KIF17: variants seen among roughly 807,000 people sequenced by gnomAD.
The protein encoded by KIF17 is kinesin family member 17.
KIF17 carries 80 observed loss-of-function variants against 96.8 expected under a neutral mutation model. The observed-to-expected ratio is 0.83, with a 90% confidence interval of 0.69 to 1.00. KIF17 has a LOEUF of 1.00. Among genes scored for constraint, KIF17 ranks in the 50% least tolerant of loss-of-function variants. The probability of loss-of-function intolerance (pLI) is 0.00; values close to 1 mark genes in which losing one functional copy is unlikely to be tolerated. For synonymous variants in KIF17, 567 were observed against 587.5 expected, an observed-to-expected ratio of 0.97 and a Z score of 0.51; for missense variants, 1,280 against 1,372.9, an observed-to-expected ratio of 0.93 and a Z score of 1.07.
At chr1:20,688,855 C>A (rs2053986666) in intron 7 of KIF17, among the ~76,000 whole-genome samples, 1 of 152,252 alleles carries the variant, frequency 6.6e-6, no homozygotes, top group Admixed American at 6.5e-5. Flanking sequence ...GCTCCCTCCC[C>A]TTCCCCTGGG....
At chr1:20,661,874 G>A (rs1033906083), downstream of KIF17, among the ~76,000 whole-genome samples, 34 of 152,356 alleles carry the variant, frequency 2.2e-4, no homozygotes, top group South Asian at 8.3e-4. Context: ...ATAAGATCAG[G>A]GTCAGGGCAC....
At chr1:20,695,179 CTTT>C in intron 6 of KIF17, among the ~76,000 whole-genome samples, 1 of 152,148 alleles carries the variant, frequency 6.6e-6, no homozygotes. Context: ...AATCTCCATT[CTTT>C]TTTTAATTTT....
chr1:20,695,977 C>A (rs2054131602), intron 6 of KIF17, among the ~76,000 whole-genome samples: 2 of 137,002 alleles, frequency 1.5e-5, no homozygotes, highest in South Asian at 4.5e-4. Flanking sequence ...CACAGCCCGC[C>A]AAGGAGATGA....
Position 20,671,958 on chromosome 1 carries a change from G to A in KIF17, c.2702C>T (p.Thr901Ile). 1.9e-6 allele frequency: 3 copies of A among 1,613,846 alleles called. No homozygotes were observed. Among genetic ancestry groups the A allele is most frequent in the Non-Finnish European group, 2.5e-6 (3 of 1,180,026 alleles). The change falls in exon 12 of 15, where the codon ACA (threonine) becomes ATA (isoleucine). Residue 901 changes from threonine to isoleucine, a missense_variant. Thr to Ile is a moderately conservative substitution (Grantham distance 89). Transcript: ENST00000400463. ...CTGACCTACTGGGAGGCTGGTTTTT[G>A]TGATGACGGGATGTGGGATCTTCCA... ...GFWKIPHPVI[T>I]KTSLPVVSTG...
At chr1:20,664,966 A>G (rs919125741) in intron 14 of KIF17, among the ~76,000 whole-genome samples, 2 of 152,002 alleles carry the variant, frequency 1.3e-5, no homozygotes, top group Admixed American at 6.6e-5. Context: ...GTCTGCATCC[A>G]AAGAGGCTGG....
intron 10 of KIF17, among the ~76,000 whole-genome samples, chr1:20,684,437 C>A (rs1161533556): frequency 1.3e-5 from 2 of 152,230 alleles, no homozygotes; most frequent in Non-Finnish European, 2.9e-5. Context: ...AAGCCCAGCT[C>A]CCCCGGCGGT....
chr1:20,713,682 G>A (rs950098025), intron 2 of KIF17, 127 bp from the exon 3 acceptor site: 5 of 748,418 alleles, frequency 6.7e-6, no homozygotes, highest in Admixed American at 6.0e-5. Context: ...ATCGGGGCAA[G>A]AGGAGTCTCC....
At chr1:20,690,374 T>C in intron 6 of KIF17, 39 bp from the exon 7 acceptor site, 2 of 1,579,374 alleles carry the variant, frequency 1.3e-6, no homozygotes, top group Non-Finnish European at 1.7e-6. Context: ...GGCAGCATTT[T>C]ATCATCATTT....
At position 20,666,196 on chromosome 1, in the gene KIF17, CAG is replaced by C. The variant is rs759817851; in HGVS notation, c.2908+16_2908+17del. On this transcript the variant is annotated intron_variant, in intron 14 of 14. Coordinates refer to ENST00000400463, the MANE Select transcript of KIF17 (RefSeq NM_001122819.3). ...CCCAGTTGTGTGGAGAGGGTGGGGA[CAG>C]GGGAGGGACACTCACTGAGGCTCTT... 7.7e-6 allele frequency: 12 copies of C among 1,565,546 alleles called. No homozygotes were observed. The African/African-American group carries it at 1.6e-4, about 21-fold the overall frequency.
intron 11 of KIF17, among the ~76,000 whole-genome samples, chr1:20,681,640 T>G (rs182027300): frequency 6.6e-6 from 1 of 152,238 alleles, no homozygotes. Flanking sequence ...CCAAAGGCAG[T>G]GCACATGACC....
rs1557606965 is a variant in KIF17 at position 20,712,836 on chromosome 1, T to TTAGA, written c.480+617_480+618insTCTA. ...ATATATAATATAGATATTATCTATA[T>TTAGA]TATAGATATAGATAATATTATCTAT... On this transcript the variant is annotated intron_variant, in intron 3 of 14. Transcript: ENST00000400463. Among the ~76,000 whole-genome samples, 28 of 17,106 alleles carry TTAGA rather than the reference T, an allele frequency of 1.6e-3. 3 individuals are homozygous for TTAGA. The highest frequency in any genetic ancestry group is 3.9e-3 in the African/African-American group (28 of 7,266). 11.2% of individuals were successfully genotyped at this position (17,106 alleles called of 152,430 possible).
In KIF17 at chr1:20,687,432, T is replaced by C. The variant is rs370703332; in HGVS notation, c.1894A>G (p.Arg632Gly). 1.6e-4 allele frequency: 260 copies of C among 1,613,766 alleles called. No homozygotes were observed. Among genetic ancestry groups the C allele is most frequent in the Non-Finnish European group, 2.2e-4 (255 of 1,180,036 alleles). Residue 632 changes from arginine to glycine, a missense_variant, in exon 8 of 15, where the codon AGG becomes GGG. Transcript: ENST00000400463. The surrounding 1 kb of genome is among the most constrained non-coding windows in gnomAD (Gnocchi z 4.4). ...KLARLSSTVARTDAPQADVPK... is the reference protein window; with the variant it reads ...KLARLSSTVAGTDAPQADVPK... ...ACGTCTGCCTGGGGTGCATCTGTCC[T>C]GGCCACGGTGGAGGAGAGTCTGGCC...
At chr1:20,702,898 C>A (rs2054262425) in intron 5 of KIF17, among the ~76,000 whole-genome samples, 1 of 152,210 alleles carries the variant, frequency 6.6e-6, no homozygotes, top group African/African-American at 2.4e-5. Flanking sequence ...ATTAGGTACC[C>A]CACGAGGCAC....
chr1:20,693,989 C>T (rs1401086550), intron 6 of KIF17: 2 of 152,168 alleles, frequency 1.3e-5, no homozygotes, highest in Non-Finnish European at 2.9e-5. Flanking sequence ...CTTTTTCTTT[C>T]TGAACCATTG....
intron 11 of KIF17, among the ~76,000 whole-genome samples, 166 bp downstream of exon 11, chr1:20,682,487 G>A (rs867399365): frequency 6.6e-6 from 1 of 152,188 alleles, no homozygotes; most frequent in Non-Finnish European, 1.5e-5. Context: ...TGCAGCCTGG[G>A]CGACAGAGAG....
At chr1:20,695,706 C>T (rs678237) in intron 6 of KIF17, among the ~76,000 whole-genome samples, 4,461 of 152,224 alleles carry the variant, frequency 0.029, 232 homozygotes, top group African/African-American at 0.1. Context: ...TCCTCTGAAC[C>T]CACGCCACCC....
rs1294587590 is a variant in KIF17, at chr1:20,704,231, G to C, written c.1123+216C>G. ...GTGGGCAACAGCCTGCGTCAGATGG[G>C]ACAGGCCAGACGGACTGCCCTCCTC... On this transcript the variant is annotated intron_variant, in intron 5 of 14. Coordinates refer to ENST00000400463, the MANE Select transcript of KIF17 (RefSeq NM_001122819.3). The surrounding 1 kb of genome is among the most constrained non-coding windows in gnomAD (Gnocchi z 6.8). Among the ~76,000 whole-genome samples the C allele has an allele frequency of 6.6e-6, 1 of 152,100 alleles. No individual in the cohort carries two copies. The highest frequency in any genetic ancestry group is 1.5e-5 in the Non-Finnish European group (1 of 67,996).
chr1:20,685,907 G>GC lies in KIF17; in HGVS notation c.2019+138dup, dbSNP rs2053929017. The GC allele has an allele frequency of 1.3e-6, 1 of 752,874 alleles. No homozygotes were observed. Among genetic ancestry groups the GC allele is most frequent in the Non-Finnish European group, 2.3e-6 (1 of 433,912 alleles). 46.6% of individuals were successfully genotyped at this position (752,874 alleles called of 1,614,324 possible). A position where few individuals can be genotyped will look rare whatever the true frequency, so the allele number is the denominator to read the frequency against. On this transcript the variant is annotated intron_variant, in intron 9 of 14. Coordinates refer to ENST00000400463, the MANE Select transcript of KIF17 (RefSeq NM_001122819.3). The surrounding 1 kb of genome is among the most constrained non-coding windows in gnomAD (Gnocchi z 4.1). ...CACACTGCCTGGCCACGGGCCACAA[G>GC]CCCGGGGAAGGCTGGAGTTGTTGTT...
rs1208540383 is a variant in KIF17 at position 20,687,153 on chromosome 1, A to G, written c.1938+235T>C. Among the ~76,000 whole-genome samples the G allele has an allele frequency of 6.6e-6, 1 of 152,052 alleles. No individual in the cohort carries two copies. Among genetic ancestry groups the G allele is most frequent in the Admixed American group, 6.6e-5 (1 of 15,262 alleles). On this transcript the variant is annotated intron_variant, in intron 8 of 14. Transcript: ENST00000400463. This position sits in a 1 kb window ranked among gnomAD's most constrained non-coding sequence, Gnocchi z 4.4. ...CCACCTGGCATAACCTTGCATCGCG[A>G]CCCCAACTTTCTTATTGAATTACAG...
Sources: gnomAD v4.1 joint callset for allele counts (sites outside exome capture counted in the v4.1 genomes callset) on GRCh38, gnomAD v4.1.1 for gene constraint, Gnocchi (gnomAD v3.1) non-coding constraint, MANE v1.5 for transcripts, NCBI Gene and HGNC (gene_info 2026-07-23, HGNC 2026-07-21) for gene names.